Variants in LAMA5 observed in about 807,000 individuals in gnomAD.
LAMA5 encodes the protein laminin subunit alpha-5.
A neutral mutation model predicts 433.4 loss-of-function variants in LAMA5; 260 were observed. The observed-to-expected ratio is 0.60, with a 90% CI of 0.54 to 0.66. The LOEUF (loss-of-function observed/expected upper bound fraction) is 0.66, where lower values mean the gene tolerates loss of function less well. LAMA5 is among the 30% of genes least tolerant of loss of function. The probability of loss-of-function intolerance (pLI) is 0.00; values close to 1 mark genes in which losing one functional copy is unlikely to be tolerated. For missense variants in LAMA5, 5,378 were observed against 5,258.5 expected, an observed-to-expected ratio of 1.02 and a Z score of -0.70; for synonymous variants, 2,620 against 2,226.6, an observed-to-expected ratio of 1.18 and a Z score of -4.97.
intron 48 of LAMA5, 113 bp from the exon 49 acceptor site, chr20:62,321,003 G>T: frequency 8.5e-7 from 1 of 1,174,690 alleles, no homozygotes; most frequent in Non-Finnish European, 1.2e-6. Flanking sequence ...AGGTCATGAG[G>T]TCAGCTTAGG....
chr20:62,334,824 G>A (rs1981269372), intron 20 of LAMA5, among the ~76,000 whole-genome samples, 197 bp downstream of exon 20: 1 of 149,492 alleles, frequency 6.7e-6, no homozygotes, highest in Admixed American at 6.6e-5. Flanking sequence ...GTAGGACAGG[G>A]GAGAGGAAGC....
At position 62,334,730 on chromosome 20, in the gene LAMA5, G is replaced by GTCAGGGCTCAGGGCTCAGGGC. The variant is rs149378083; in HGVS notation, c.2483-130_2483-110dup. 1.5e-3 allele frequency: 890 copies of GTCAGGGCTCAGGGCTCAGGGC among 611,118 alleles called. 7 individuals carry two copies. The African/African-American group carries it at 0.015, about 10-fold the overall frequency. The allele number at this position is 611,118 out of a possible 1,614,324, so 37.9% of individuals were successfully genotyped here. A position where few individuals can be genotyped will look rare whatever the true frequency, so the allele number is the denominator to read the frequency against. ...CCTGGGGCTCTCTGGATGATGGAGAGTCAGGGCTCAGGGCTCAGGGCTCAG... is the reference window on the plus strand; with the variant it reads ...CCTGGGGCTCTCTGGATGATGGAGAGTCAGGGCTCAGGGCTCAGGGCTCAGGGCTCAGGGCTCAGGGCTCAG... On this transcript the variant is annotated intron_variant, in intron 20 of 79. Coordinates refer to ENST00000252999, the MANE Select transcript of LAMA5 (RefSeq NM_005560.6).
At chr20:62,348,280 A>C (rs541237628) in intron 6 of LAMA5, among the ~76,000 whole-genome samples, 1 of 152,202 alleles carries the variant, frequency 6.6e-6, no homozygotes, top group Non-Finnish European at 1.5e-5. Context: ...AGTAGAAGCC[A>C]GGGAAGAATG....
At position 62,326,954 on chromosome 20, in the gene LAMA5, C is replaced by G. The variant is rs772104846; in HGVS notation, c.5125G>C (p.Gly1709Arg). 6.2e-7 allele frequency: 1 copy of G among 1,607,012 alleles called. No individual in the cohort carries two copies. Residue 1709 changes from glycine to arginine, a missense_variant, in exon 39 of 80, where the codon GGT becomes CGT. By Grantham distance (125) the Gly-to-Arg change is moderately radical (BLOSUM62 -2). Coordinates refer to ENST00000252999, the MANE Select transcript of LAMA5 (RefSeq NM_005560.6). ...SYLGDRVSSY[G>R]GTLRYELHSE... ...TGCAGTTCATAACGGAGGGTCCCAC[C>G]GTAGGATGACACCTGGAGGCAGGAC...
chr20:62,358,900 A>G (rs1465557039), intron 2 of LAMA5, among the ~76,000 whole-genome samples: 2 of 151,704 alleles, frequency 1.3e-5, no homozygotes, highest in African/African-American at 2.4e-5. Flanking sequence ...CTACCTGTCC[A>G]CTCTGCCCTC....
rs753027146 is a variant in LAMA5, at chr20:62,362,571, G to C, written c.298-19C>G. 67 of 1,509,384 alleles carry C rather than the reference G, an allele frequency of 4.4e-5. No individual in the cohort carries two copies. In the Middle Eastern group the frequency reaches 1.6e-3, roughly 36 times the overall value. The allele number at this position is 1,509,384 out of a possible 1,614,324, so 93.5% of individuals were successfully genotyped here. On this transcript the variant is annotated intron_variant, in intron 1 of 79. Transcript: ENST00000252999. ...ACTGGCCCTGCAGAGGGAACGGGAG[G>C]GTCAGATAGCCGAGAAGGGCCGGGG...
chr20:62,314,948 C>G lies in LAMA5; in HGVS notation c.8048-1G>C. On this transcript the variant is annotated splice_acceptor_variant, in intron 59 of 79. Coordinates refer to ENST00000252999, the MANE Select transcript of LAMA5 (RefSeq NM_005560.6). LOFTEE classifies it high-confidence loss of function. The stretch of plus-strand genomic sequence containing the variant: ...GGCAGCGTCTTCTCCAGGGTGGACA[C>G]TGCAGAGAGGGAGACCTGAGACCTT... 3.1e-6 allele frequency: 5 copies of G among 1,595,954 alleles called. No homozygotes were observed. The highest frequency in any genetic ancestry group is 4.3e-6 in the Non-Finnish European group (5 of 1,174,878).
At position 62,346,741 on chromosome 20, in the gene LAMA5, G is replaced by A. The variant is rs41284992; in HGVS notation, c.1132C>T (p.Arg378Cys). 7.3e-4 allele frequency: 1,178 copies of A among 1,613,158 alleles called. 2 individuals are homozygous for A. Among genetic ancestry groups the A allele is most frequent in the Admixed American group, 1.1e-3 (64 of 60,012 alleles). The change falls in exon 8 of 80, where the codon CGC (arginine) becomes TGC (cysteine). Residue 378 changes from arginine (R) to cysteine (C), a missense_variant. By Grantham distance (180) the Arg-to-Cys change is radical. Coordinates refer to ENST00000252999, the MANE Select transcript of LAMA5 (RefSeq NM_005560.6). ...CYYDPEVDRR[R>C]ASQSLDGTYQ... is the part of the protein sequence containing the mutation. ...GTGCCATCCAGGCTCTGGCTGGCGC[G>A]GCGCCGGTCCACCTCAGGGTCGTAG...
Position 62,324,416 on chromosome 20 carries a change from C to G in LAMA5, c.5643+25G>C. The G allele has an allele frequency of 6.4e-7, 1 of 1,573,944 alleles. No individual in the cohort carries two copies. Among genetic ancestry groups the G allele is most frequent in the Non-Finnish European group, 8.7e-7 (1 of 1,148,282 alleles). ...CTGTGCCTTCAGTGAATGCTGCCCCCCTGGCCCCACCAGCCCCTACTCACC... is the reference window on the plus strand; with the variant it reads ...CTGTGCCTTCAGTGAATGCTGCCCCGCTGGCCCCACCAGCCCCTACTCACC... On this transcript the variant is annotated intron_variant, in intron 42 of 79. Transcript: ENST00000252999. This position sits in a 1 kb window ranked among gnomAD's most constrained non-coding sequence, Gnocchi z 4.4.
In LAMA5 at chr20:62,322,120, T is replaced by C. The variant is rs1407161222; in HGVS notation, c.6395A>G (p.Asn2132Ser). The C allele has an allele frequency of 7.5e-6, 12 of 1,603,396 alleles. No individual in the cohort carries two copies. Among genetic ancestry groups the C allele is most frequent in the Non-Finnish European group, 1.0e-5 (12 of 1,178,676 alleles). The change falls in exon 48 of 80, where the codon AAC becomes AGC. Residue 2132 changes from asparagine (N) to serine (S), a missense_variant. Physicochemically the swap from Asn to Ser is conservative, Grantham distance 46. Coordinates refer to ENST00000252999, the MANE Select transcript of LAMA5 (RefSeq NM_005560.6). ...GRCDPHTGRCNCPPGLSGERC... is the reference protein window; with the variant it reads ...GRCDPHTGRCSCPPGLSGERC... ...CTCCCCGCTGAGCCCCGGGGGGCAG[T>C]TGCAGCGGCCCGTGTGAGGGTCACA... is the stretch of plus-strand genomic sequence containing the variant.
At chr20:62,327,767 G>A in intron 36 of LAMA5, 98 bp from the exon 37 acceptor site, 1 of 1,577,716 alleles carries the variant, frequency 6.3e-7, no homozygotes, top group South Asian at 1.2e-5. Context: ...TCTCCCAAAA[G>A]CTTCTAGGAA....
chr20:62,317,053 G>C, intron 55 of LAMA5, 30 bp from the exon 56 acceptor site: 4 of 1,509,388 alleles, frequency 2.7e-6, no homozygotes, highest in South Asian at 1.3e-5. Context: ...CGAAGGAGTG[G>C]GTAAGCGCAG....
rs755827714 is a variant in LAMA5, at chr20:62,327,950, G to A, written c.4713C>T (p.Tyr1571=). ...CDTCSPGFHG[Y]PRCRPCDCHE... ...GACAGTCACAGGGGCGGCAGCGGGGGTAGCCATGGAAGCCCGGAGAGCAGG... is the reference window on the plus strand; with the variant it reads ...GACAGTCACAGGGGCGGCAGCGGGGATAGCCATGGAAGCCCGGAGAGCAGG... The change falls in exon 36 of 80, where the codon TAC becomes TAT. Residue 1571 remains tyrosine, a synonymous_variant. Transcript: ENST00000252999. The A allele has an allele frequency of 5.6e-6, 9 of 1,612,334 alleles. No homozygotes were observed. The highest frequency in any genetic ancestry group is 4.0e-5 in the African/African-American group (3 of 74,918).
chr20:62,314,616 G>A lies in LAMA5; in HGVS notation c.8306C>T (p.Pro2769Leu), dbSNP rs544012467. The A allele has an allele frequency of 9.3e-6, 15 of 1,612,332 alleles. No individual in the cohort carries two copies. The South Asian group carries it at 1.3e-4, about 14-fold the overall frequency. ...YTALKFYLQGPEPEPGQGTED... is the reference protein window; with the variant it reads ...YTALKFYLQGLEPEPGQGTED... ...GGTACCCTGCCCAGGCTCAGGCTCTGGGCCCTGCAGGTAGAACTTGAGGGC... is the reference window on the plus strand; with the variant it reads ...GGTACCCTGCCCAGGCTCAGGCTCTAGGCCCTGCAGGTAGAACTTGAGGGC... Residue 2769 changes from proline (P) to leucine (L), a missense_variant, in exon 61 of 80, where the codon CCA (proline) becomes CTA (leucine). Physicochemically the swap from Pro to Leu is moderately conservative, Grantham distance 98 (BLOSUM62 -3). Transcript: ENST00000252999.
At chr20:62,346,355 C>CT in intron 9 of LAMA5, 140 bp from the exon 10 acceptor site, 1 of 1,378,400 alleles carries the variant, frequency 7.3e-7, no homozygotes, top group East Asian at 2.5e-5. Context: ...GACATGAGGG[C>CT]TGGGGACCCG....
intron 6 of LAMA5, 61 bp from the exon 7 acceptor site, chr20:62,347,089 T>G: frequency 7.6e-7 from 1 of 1,323,422 alleles, no homozygotes. Context: ...AGGTGCTCAG[T>G]CCCTTCCCTG....
intron 51 of LAMA5, 126 bp downstream of exon 51, chr20:62,319,558 G>A (rs368639258): frequency 4.8e-4 from 319 of 666,566 alleles, no homozygotes; most frequent in Non-Finnish European, 6.0e-4. Context: ...CTCCAGAGGC[G>A]TCGTCTCCCA....
chr20:62,321,992 T>C, intron 48 of LAMA5, 27 bp downstream of exon 48: 1 of 1,591,048 alleles, frequency 6.3e-7, no homozygotes, highest in Non-Finnish European at 8.5e-7. Flanking sequence ...CCATCAGGTG[T>C]GGGGAAGTGG....
chr20:62,313,291 G>A (rs1414055829), intron 64 of LAMA5, 36 bp downstream of exon 64: 1 of 1,540,472 alleles, frequency 6.5e-7, no homozygotes, highest in African/African-American at 1.4e-5. Flanking sequence ...GGGTGGGGTG[G>A]GGTGGGTGGA....
Sources: gnomAD v4.1 joint callset for allele counts (sites outside exome capture counted in the v4.1 genomes callset) on GRCh38, gnomAD v4.1.1 for gene constraint, Gnocchi (gnomAD v3.1) non-coding constraint, MANE v1.5 for transcripts, NCBI Gene and HGNC (gene_info 2026-07-23, HGNC 2026-07-21) for gene names.